DPP10: variants seen among roughly 807,000 people sequenced by gnomAD.
DPP10 encodes the protein dipeptidyl peptidase like 10, also known as inactive dipeptidyl peptidase 10.
Under a neutral mutation model 120.9 loss-of-function variants are expected in DPP10, and 33 were observed. That is an observed-to-expected ratio of 0.27 (90% confidence interval 0.21 to 0.37). The LOEUF (loss-of-function observed/expected upper bound fraction) is 0.37, where lower values mean the gene tolerates loss of function less well. Among genes scored for constraint, DPP10 ranks in the 10% least tolerant of loss-of-function variants. The probability of loss-of-function intolerance (pLI) is 1.00; values close to 1 mark genes in which losing one functional copy is unlikely to be tolerated. For missense variants in DPP10, 816 were observed against 942.8 expected, an observed-to-expected ratio of 0.87 and a Z score of 1.76; for synonymous variants, 337 against 326.1, an observed-to-expected ratio of 1.03 and a Z score of -0.36.
intron 3 of DPP10, among the ~76,000 whole-genome samples, chr2:115,464,992 TA>T (rs1451106703): frequency 6.6e-6 from 1 of 152,138 alleles, no homozygotes; most frequent in African/African-American, 2.4e-5. Flanking sequence ...TTTATATTCT[TA>T]AAAAGAACAA....
At chr2:114,724,028 ATAT>A (rs1701882884) in intron 1 of DPP10, among the ~76,000 whole-genome samples, 1 of 152,200 alleles carries the variant, frequency 6.6e-6, no homozygotes, top group Admixed American at 6.5e-5. Flanking sequence ...AAAAGAAAAT[ATAT>A]TTTTTAAATG....
chr2:114,470,739 G>C lies in DPP10; in HGVS notation c.60+27901G>C, dbSNP rs185346817. ...TTAAATTGTGAGCTCTTTTAAGTAAGGAATTATATTTTATCTTCTCCCACA... is the reference window on the plus strand; with the variant it reads ...TTAAATTGTGAGCTCTTTTAAGTAACGAATTATATTTTATCTTCTCCCACA... On this transcript the variant is annotated intron_variant, in intron 1 of 25. Coordinates refer to ENST00000410059, the MANE Select transcript of DPP10 (RefSeq NM_020868.6). Among the ~76,000 whole-genome samples the C allele has an allele frequency of 2.0e-5, 3 of 152,270 alleles. No individual in the cohort carries two copies. In the East Asian group the frequency reaches 5.8e-4, roughly 29 times the overall value.
At chr2:115,707,928 A>C (rs1232082453) in intron 7 of DPP10, among the ~76,000 whole-genome samples, 1 of 151,972 alleles carries the variant, frequency 6.6e-6, no homozygotes, top group Admixed American at 6.6e-5. Context: ...TACTTTTAAC[A>C]TAGCATATGA....
chr2:114,446,904 C>T (rs181907179), intron 1 of DPP10, among the ~76,000 whole-genome samples: 2 of 152,006 alleles, frequency 1.3e-5, no homozygotes, highest in African/African-American at 4.8e-5. Context: ...TTGTTAAATA[C>T]GTAGGCTTGG....
chr2:114,618,059 A>AT (rs1451084772), intron 1 of DPP10, among the ~76,000 whole-genome samples: 2 of 152,044 alleles, frequency 1.3e-5, no homozygotes, highest in African/African-American at 4.8e-5. Flanking sequence ...CACGCAGTGT[A>AT]TTTTTTAGGT....
At chr2:114,759,386 C>T (rs1490241792) in intron 1 of DPP10, among the ~76,000 whole-genome samples, 1 of 152,130 alleles carries the variant, frequency 6.6e-6, no homozygotes, top group African/African-American at 2.4e-5. Flanking sequence ...GTCTATAAAG[C>T]ATTCTTATCT....
chr2:115,635,454 C>T (rs1009451725), intron 5 of DPP10, among the ~76,000 whole-genome samples: 5 of 152,192 alleles, frequency 3.3e-5, no homozygotes, highest in Non-Finnish European at 7.3e-5. Context: ...TCCCCTTGCC[C>T]TGTCTGACTC....
intron 1 of DPP10, among the ~76,000 whole-genome samples, chr2:114,835,897 C>G (rs1237395666): frequency 7.7e-6 from 1 of 130,594 alleles, no homozygotes; most frequent in Non-Finnish European, 1.6e-5. Flanking sequence ...AATTATTTCA[C>G]TATGAAATCA....
chr2:115,011,129 G>A (rs1702232724), intron 1 of DPP10, among the ~76,000 whole-genome samples: 1 of 152,080 alleles, frequency 6.6e-6, no homozygotes, highest in African/African-American at 2.4e-5. Flanking sequence ...ATCGTATTGT[G>A]GTCAAAGAAC....
At chr2:114,993,851 A>G (rs1023889495) in intron 1 of DPP10, among the ~76,000 whole-genome samples, 34 of 152,158 alleles carry the variant, frequency 2.2e-4, no homozygotes, top group African/African-American at 8.2e-4. Context: ...GTAATGCACT[A>G]TTATAATTGA....
At chr2:115,115,281 G>C (rs2049442952) in intron 1 of DPP10, among the ~76,000 whole-genome samples, 1 of 152,134 alleles carries the variant, frequency 6.6e-6, no homozygotes, top group Non-Finnish European at 1.5e-5. Context: ...CCCCAAGGCA[G>C]AAAGGTGTAA....
intron 1 of DPP10, among the ~76,000 whole-genome samples, chr2:115,071,481 T>C (rs1707363244): frequency 6.6e-6 from 1 of 152,062 alleles, no homozygotes; most frequent in African/African-American, 2.4e-5. Context: ...CAAGCAACAT[T>C]GGGGGTTTAT....
intron 12 of DPP10, among the ~76,000 whole-genome samples, chr2:115,767,489 G>GTGTGTA (rs1491465692): frequency 1.2e-4 from 13 of 109,294 alleles, no homozygotes; most frequent in East Asian, 3.0e-4. Context: ...GTGTGTGTGT[G>GTGTGTA]TATATATATA....
At chr2:115,470,971 C>T (rs1036487382) in intron 3 of DPP10, among the ~76,000 whole-genome samples, 5 of 152,138 alleles carry the variant, frequency 3.3e-5, no homozygotes, top group African/African-American at 1.2e-4. Flanking sequence ...TCAACTTTTT[C>T]TCTTTTGCCT....
At chr2:114,771,032 T>C (rs1378565600) in intron 1 of DPP10, among the ~76,000 whole-genome samples, 1 of 152,218 alleles carries the variant, frequency 6.6e-6, no homozygotes, top group Non-Finnish European at 1.5e-5. Context: ...GATATAAAAG[T>C]CTAAACACTT....
chr2:115,352,573 T>C (rs1159679214), intron 3 of DPP10, among the ~76,000 whole-genome samples: 1 of 152,178 alleles, frequency 6.6e-6, no homozygotes, highest in Non-Finnish European at 1.5e-5. Context: ...ATCCAACATG[T>C]ATTGAAAAGA....
chr2:114,585,287 A>G (rs1440317992), intron 1 of DPP10, among the ~76,000 whole-genome samples: 1 of 152,156 alleles, frequency 6.6e-6, no homozygotes, highest in African/African-American at 2.4e-5. Context: ...CTCAGCTTCT[A>G]GAGACTGCCT....
At chr2:114,443,907 A>G (rs1380042525) in intron 1 of DPP10, among the ~76,000 whole-genome samples, 1 of 152,180 alleles carries the variant, frequency 6.6e-6, no homozygotes, top group African/African-American at 2.4e-5. Flanking sequence ...TATAATTTTC[A>G]ACAATGTCTC....
chr2:115,490,519 C>T (rs1436672780), intron 3 of DPP10, among the ~76,000 whole-genome samples: 1 of 152,108 alleles, frequency 6.6e-6, no homozygotes, highest in African/African-American at 2.4e-5. Context: ...ATTCCGATCT[C>T]CCTAAAATGT....
Sources: gnomAD v4.1 joint callset for allele counts (sites outside exome capture counted in the v4.1 genomes callset) on GRCh38, gnomAD v4.1.1 for gene constraint, MANE v1.5 for transcripts, NCBI Gene and HGNC (gene_info 2026-07-23, HGNC 2026-07-21) for gene names.